The following PRKCQ variants were observed in gnomAD, a reference collection of about 807,000 sequenced individuals.
The protein encoded by PRKCQ is protein kinase C theta.
Under a neutral mutation model 91.2 loss-of-function variants are expected in PRKCQ, and 41 were observed. The observed-to-expected ratio is 0.45, with a 90% CI of 0.35 to 0.58. The LOEUF is 0.58. PRKCQ is among the 20% of genes least tolerant of loss of function. The pLI is 0.00. For synonymous variants in PRKCQ, 307 were observed against 316.9 expected (o/e 0.97, Z 0.33); for missense variants, 673 against 896.5 (o/e 0.75, Z 3.18).
rs539798714 is a variant in PRKCQ, at chr10:6,494,955, C to T, written c.660+2080G>A. 4.6e-5 allele frequency among the ~76,000 whole-genome samples: 7 copies of T among 152,308 alleles called. No homozygotes were observed. The East Asian group carries it at 1.4e-3, about 29-fold the overall frequency. On this transcript the variant is annotated intron_variant, in intron 7 of 17. Transcript: ENST00000263125. The stretch of plus-strand genomic sequence containing the variant: ...CTCCTTCCAGTCTTCTTCACTCCGT[C>T]GTGGCTCTGTTATCTACCACACTGC...
chr10:6,471,994 C>G (rs983390978), intron 12 of PRKCQ, among the ~76,000 whole-genome samples: 1 of 152,112 alleles, frequency 6.6e-6, no homozygotes, highest in Non-Finnish European at 1.5e-5. Flanking sequence ...AAGATGAGAA[C>G]AGATCTGTGA....
At chr10:6,506,401 C>T (rs1176277619) in intron 4 of PRKCQ, among the ~76,000 whole-genome samples, 1 of 152,084 alleles carries the variant, frequency 6.6e-6, no homozygotes, top group Non-Finnish European at 1.5e-5. Context: ...ACTATGGTAT[C>T]ATATTATTTT....
the PRKCQ span, among the ~76,000 whole-genome samples, chr10:6,403,486 G>A: frequency 6.6e-6 from 1 of 152,168 alleles, no homozygotes; most frequent in Non-Finnish European, 1.5e-5. Context: ...GGCATATCCA[G>A]TGTCCCTGAA....
At chr10:6,413,768 C>A in the PRKCQ span, among the ~76,000 whole-genome samples, 9 of 125,386 alleles carry the variant, frequency 7.2e-5, no homozygotes, top group East Asian at 2.5e-4. Flanking sequence ...GGATTAAATG[C>A]CACTTGTGCA....
chr10:6,516,756 ACCCTGCTATT>A (rs904537395), intron 1 of PRKCQ, among the ~76,000 whole-genome samples: 2 of 152,054 alleles, frequency 1.3e-5, no homozygotes, highest in Non-Finnish European at 2.9e-5. Context: ...TTCTGGTGTC[ACCCTGCTATT>A]CCCAGGGTGG....
intron 1 of PRKCQ, among the ~76,000 whole-genome samples, chr10:6,521,911 TGTTATGTTATG>T (rs781285353): frequency 1.5e-3 from 193 of 130,998 alleles, no homozygotes; most frequent in Middle Eastern, 3.9e-3. Context: ...TGTGATGTTA[TGTTATGTTATG>T]TTATTTATTT....
intron 1 of PRKCQ, 38 bp from the exon 2 acceptor site, chr10:6,515,182 A>T: frequency 6.2e-7 from 1 of 1,609,310 alleles, no homozygotes; most frequent in Non-Finnish European, 8.5e-7. Flanking sequence ...TTTGGGGGCT[A>T]TAAAAGATAT....
intron 8 of PRKCQ, 113 bp downstream of exon 8, chr10:6,491,569 TG>T: frequency 1.4e-6 from 2 of 1,402,170 alleles, no homozygotes; most frequent in Non-Finnish European, 1.9e-6. Flanking sequence ...ATGACTTGTC[TG>T]GGCTGGGTGT....
intron 1 of PRKCQ, among the ~76,000 whole-genome samples, chr10:6,555,705 T>TA (rs200217227): frequency 1.3e-4 from 19 of 151,430 alleles, no homozygotes; most frequent in East Asian, 3.9e-4. Flanking sequence ...ATGGTGGATT[T>TA]AAAAAAAAAC....
At chr10:6,501,075 T>C (rs1837885008) in intron 4 of PRKCQ, among the ~76,000 whole-genome samples, 1 of 151,672 alleles carries the variant, frequency 6.6e-6, no homozygotes, top group Non-Finnish European at 1.5e-5. Context: ...AGAAATGAAG[T>C]TTTCAGCATT....
chr10:6,397,817 C>T, the PRKCQ span, among the ~76,000 whole-genome samples: 6 of 151,990 alleles, frequency 3.9e-5, no homozygotes, highest in Non-Finnish European at 7.4e-5. Flanking sequence ...CCCAGCTACT[C>T]GGGAGGCTGA....
chr10:6,535,293 T>G (rs1259940059), intron 1 of PRKCQ, among the ~76,000 whole-genome samples: 1 of 152,238 alleles, frequency 6.6e-6, no homozygotes, highest in Non-Finnish European at 1.5e-5. Flanking sequence ...ATTGTGGGTA[T>G]CTAAGCCATA....
chr10:6,436,563 G>A (rs1380999490), intron 16 of PRKCQ, among the ~76,000 whole-genome samples: 2 of 152,040 alleles, frequency 1.3e-5, no homozygotes, highest in East Asian at 1.9e-4. Context: ...TGAGAGTCAC[G>A]CCCACCCTCC....
chr10:6,439,894 G>T (rs1336985316), intron 16 of PRKCQ, among the ~76,000 whole-genome samples: 2 of 152,112 alleles, frequency 1.3e-5, no homozygotes, highest in African/African-American at 4.8e-5. Flanking sequence ...CTGTTCAAAG[G>T]TCAACTGTAC....
intron 1 of PRKCQ, among the ~76,000 whole-genome samples, chr10:6,569,368 T>C (rs1196795053): frequency 6.7e-6 from 1 of 150,172 alleles, no homozygotes; most frequent in African/African-American, 2.5e-5. Flanking sequence ...GTCCACGAGA[T>C]GAGGGGATGC....
chr10:6,479,187 A>G, intron 11 of PRKCQ, 22 bp from the exon 12 acceptor site: 1 of 1,609,972 alleles, frequency 6.2e-7, no homozygotes, highest in Non-Finnish European at 8.5e-7. Flanking sequence ...GGGAAGAAGT[A>G]ACTTTATTTT....
At chr10:6,408,046 G>GTTTTTTTTTTTTT in the PRKCQ span, among the ~76,000 whole-genome samples, 11 of 84,226 alleles carry the variant, frequency 1.3e-4, no homozygotes, top group African/African-American at 5.0e-4. Flanking sequence ...TCTTGTGTCA[G>GTTTTTTTTTTTTT]TTTTTTTTTT....
At chr10:6,450,585 T>C (rs371320681) in intron 15 of PRKCQ, among the ~76,000 whole-genome samples, 2 of 152,224 alleles carry the variant, frequency 1.3e-5, no homozygotes, top group African/African-American at 4.8e-5. Context: ...GCAGACCTAA[T>C]AGACATCTAC....
intron 15 of PRKCQ, among the ~76,000 whole-genome samples, chr10:6,448,878 T>C (rs1182538869): frequency 1.6e-4 from 24 of 152,154 alleles, no homozygotes; most frequent in Non-Finnish European, 5.9e-5. Context: ...GGGTCCTGTT[T>C]GTTAGAAGGA....
Sources: gnomAD v4.1 joint callset for allele counts (sites outside exome capture counted in the v4.1 genomes callset) on GRCh38, gnomAD v4.1.1 for gene constraint, MANE v1.5 for transcripts, NCBI Gene and HGNC (gene_info 2026-07-23, HGNC 2026-07-21) for gene names.